NADK: variants seen among roughly 807,000 people sequenced by gnomAD.
NADK encodes NAD kinase, also known as poly(P)/ATP NAD kinase.
A neutral mutation model predicts 49.8 loss-of-function variants in NADK; 22 were observed. That is an observed-to-expected ratio of 0.44 (90% CI 0.32 to 0.63). The LOEUF (loss-of-function observed/expected upper bound fraction) is 0.63, where lower values mean the gene tolerates loss of function less well. Ranked by LOEUF, NADK falls within the 30% of genes least tolerant of loss-of-function variation. NADK has a pLI of 0.06. For missense variants in NADK, 438 were observed against 609.4 expected (o/e 0.72, Z 2.96); for synonymous variants, 268 against 253.7 (o/e 1.06, Z -0.54).
chr1:1,764,222 C>T (rs754514166), intron 2 of NADK, among the ~76,000 whole-genome samples: 9 of 152,194 alleles, frequency 5.9e-5, no homozygotes, highest in Non-Finnish European at 1.2e-4. Flanking sequence ...CACCAAAAAG[C>T]CCCCCTTGCA....
At chr1:1,758,618 TG>T in intron 3 of NADK, 1 of 1,452,770 alleles carries the variant, frequency 6.9e-7, no homozygotes. Context: ...TGATGAGACT[TG>T]GTAAAGTTGT....
chr1:1,771,909 G>C (rs576237785), intron 1 of NADK, among the ~76,000 whole-genome samples: 238 of 150,682 alleles, frequency 1.6e-3, no homozygotes, highest in Non-Finnish European at 2.9e-3. Context: ...CCAGGCTCAA[G>C]CAATCCTCCC....
intron 3 of NADK, among the ~76,000 whole-genome samples, chr1:1,758,112 A>T (rs1193909391): frequency 6.6e-6 from 1 of 152,176 alleles, no homozygotes; most frequent in Non-Finnish European, 1.5e-5. Flanking sequence ...GGGGCTGGCC[A>T]CCGTCGTCAG....
intron 4 of NADK, 28 bp downstream of exon 4, chr1:1,757,153 A>AC: frequency 2.4e-6 from 1 of 416,864 alleles, no homozygotes. Flanking sequence ...TGTGCACCCC[A>AC]GGCCCCCTTC....
intron 3 of NADK, chr1:1,759,661 GC>G: frequency 2.7e-6 from 4 of 1,465,836 alleles, no homozygotes; most frequent in Non-Finnish European, 3.7e-6. Context: ...GAGACACAGA[GC>G]CCAGAGGGGG....
intron 3 of NADK, 74 bp from the exon 4 acceptor site, chr1:1,757,384 TAAAAAA>T: frequency 1.8e-6 from 2 of 1,123,574 alleles, no homozygotes; most frequent in Non-Finnish European, 2.4e-6. Context: ...ACTTAGAAAA[TAAAAAA>T]AAAAATCTTT....
chr1:1,755,435 C>G lies in NADK; in HGVS notation c.627G>C (p.Leu209=). 1 of 1,614,026 alleles carries G rather than the reference C, an allele frequency of 6.2e-7. No homozygotes were observed. The highest frequency in any genetic ancestry group is 1.7e-5 in the Admixed American group (1 of 60,014). ...PPVMAFHLGS[L]GFLTPFSFEN... is the part of the protein sequence containing the mutation. Reference sequence around the variant, plus strand: ...CAAAGCTGAATGGGGTCAGGAAGCCCAGGGAGCCCAGGTGGAAGGCCATGA... The same window carrying G: ...CAAAGCTGAATGGGGTCAGGAAGCCGAGGGAGCCCAGGTGGAAGGCCATGA... The change falls in exon 7 of 12, where the codon CTG becomes CTC. Residue 209 remains leucine (L), a synonymous_variant. Coordinates refer to ENST00000341426, the MANE Select transcript of NADK (RefSeq NM_023018.5).
At chr1:1,756,990 T>G (rs1645546935) in intron 4 of NADK, 191 bp downstream of exon 4, 2 of 964,726 alleles carry the variant, frequency 2.1e-6, no homozygotes, top group South Asian at 2.7e-5. Context: ...GGTCACCCAG[T>G]CTGGTGCTTG....
intron 3 of NADK, among the ~76,000 whole-genome samples, chr1:1,760,615 G>A (rs1435039611): frequency 2.0e-5 from 3 of 152,050 alleles, no homozygotes; most frequent in African/African-American, 7.2e-5. Context: ...TGGAACACTC[G>A]GCCCTTCCGC....
intron 1 of NADK, among the ~76,000 whole-genome samples, chr1:1,769,154 A>C (rs1305819906): frequency 6.6e-6 from 1 of 152,216 alleles, no homozygotes; most frequent in Non-Finnish European, 1.5e-5. Flanking sequence ...GTGGTGGCTC[A>C]CGCCTGTAAT....
chr1:1,775,297 G>A (rs915678346), intron 1 of NADK, among the ~76,000 whole-genome samples: 3 of 152,142 alleles, frequency 2.0e-5, no homozygotes, highest in Non-Finnish European at 2.9e-5. Flanking sequence ...ACACGAGTTC[G>A]TTCCCATGTA....
intron 2 of NADK, among the ~76,000 whole-genome samples, chr1:1,762,392 A>T (rs1249951417): frequency 1.3e-5 from 2 of 152,232 alleles, no homozygotes; most frequent in African/African-American, 4.8e-5. Context: ...AAAACCTGAG[A>T]CAACATCTCA....
intron 1 of NADK, among the ~76,000 whole-genome samples, chr1:1,776,079 A>G (rs1311512951): frequency 6.6e-6 from 1 of 152,152 alleles, no homozygotes; most frequent in Non-Finnish European, 1.5e-5. Context: ...TCTTGCTGTC[A>G]TCCTACCACA....
At chr1:1,756,786 A>G (rs1645537630) in intron 4 of NADK, 178 bp from the exon 5 acceptor site, 4 of 1,126,396 alleles carry the variant, frequency 3.6e-6, no homozygotes, top group Non-Finnish European at 5.3e-6. Flanking sequence ...GACCTTTAAG[A>G]GATGACTGGG....
chr1:1,776,301 T>A (rs12041925), intron 1 of NADK, among the ~76,000 whole-genome samples: 1 of 152,038 alleles, frequency 6.6e-6, no homozygotes, highest in Non-Finnish European at 1.5e-5. Context: ...GCCAACTTTC[T>A]GGGACACCCT....
At chr1:1,757,634 C>T (rs2100299539) in intron 3 of NADK, among the ~76,000 whole-genome samples, 1 of 152,252 alleles carries the variant, frequency 6.6e-6, no homozygotes, top group Non-Finnish European at 1.5e-5. Context: ...CTGCCTGGCT[C>T]CTCAGTGACG....
At chr1:1,763,383 C>A (rs1329160303) in intron 2 of NADK, among the ~76,000 whole-genome samples, 1 of 152,152 alleles carries the variant, frequency 6.6e-6, no homozygotes, top group East Asian at 1.9e-4. Context: ...CTTTGGGAGG[C>A]TGAGGTGGGC....
chr1:1,766,761 C>T (rs775994713), intron 1 of NADK, among the ~76,000 whole-genome samples: 2 of 151,310 alleles, frequency 1.3e-5, no homozygotes, highest in African/African-American at 2.4e-5. Context: ...TACAGCACCA[C>T]GTCCAGCTAA....
At chr1:1,758,388 C>T (rs1403757394) in intron 3 of NADK, 7 of 1,610,852 alleles carry the variant, frequency 4.3e-6, no homozygotes, top group Admixed American at 3.3e-5. Context: ...TACTGGGAGG[C>T]GTGGGGTCAC....
Sources: gnomAD v4.1 joint callset for allele counts (sites outside exome capture counted in the v4.1 genomes callset) on GRCh38, gnomAD v4.1.1 for gene constraint, MANE v1.5 for transcripts, NCBI Gene and HGNC (gene_info 2026-07-23, HGNC 2026-07-21) for gene names.